ASF1B: variants seen among roughly 807,000 people sequenced by gnomAD.
ASF1B encodes the protein anti-silencing function 1B histone chaperone.
In ASF1B, 10 loss-of-function variants were observed where a neutral mutation model predicts 16.6. The ratio of observed to expected loss-of-function variants is 0.60; its 90% confidence interval spans 0.37 to 1.02. The LOEUF (loss-of-function observed/expected upper bound fraction) is 1.02, where lower values mean the gene tolerates loss of function less well. Among genes scored for constraint, ASF1B ranks in the 50% least tolerant of loss-of-function variants. The pLI, the probability that ASF1B is intolerant of heterozygous loss-of-function variation, is 0.01. For missense variants in ASF1B, 240 were observed against 266.0 expected, an observed-to-expected ratio of 0.90 and a Z score of 0.68; for synonymous variants, 101 against 106.2, an observed-to-expected ratio of 0.95 and a Z score of 0.30.
In ASF1B at chr19:14,135,202, C is replaced by T. The variant is rs144689184; in HGVS notation, c.109+1146G>A. Among the ~76,000 whole-genome samples, 446 of 116,972 alleles carry T rather than the reference C, an allele frequency of 3.8e-3. 3 individuals are homozygous for T. Among genetic ancestry groups the T allele is most frequent in the African/African-American group, 0.014 (408 of 29,194 alleles). The allele number at this position is 116,972 out of a possible 152,430, so 76.7% of individuals were successfully genotyped here. The stretch of plus-strand genomic sequence containing the variant: ...TCGTGCCATTGCACTCCAGCCTGGG[C>T]AACAGAGTGAGACTGTCTCAAAAAA... On this transcript the variant is annotated intron_variant, in intron 1 of 3. Transcript: ENST00000263382.
chr19:14,126,324 A>G (rs1187017107), intron 1 of ASF1B, 87 bp from the exon 2 acceptor site: 4 of 794,510 alleles, frequency 5.0e-6, no homozygotes, highest in Non-Finnish European at 6.2e-6. Flanking sequence ...TTTTTTTTTG[A>G]GATGGAGTCT....
intron 1 of ASF1B, among the ~76,000 whole-genome samples, chr19:14,132,794 G>A (rs1472134906): frequency 6.6e-6 from 1 of 152,046 alleles, no homozygotes; most frequent in Non-Finnish European, 1.5e-5. Context: ...CTGTAGCCTG[G>A]GTGACATAGT....
chr19:14,133,215 G>C (rs1050291081), intron 1 of ASF1B, among the ~76,000 whole-genome samples: 2 of 152,078 alleles, frequency 1.3e-5, no homozygotes, highest in African/African-American at 4.8e-5. Context: ...TAAATTCTGT[G>C]GTCATTCCTA....
At chr19:14,127,166 A>G (rs1344818556) in intron 1 of ASF1B, among the ~76,000 whole-genome samples, 5 of 152,244 alleles carry the variant, frequency 3.3e-5, no homozygotes, top group Admixed American at 2.6e-4. Flanking sequence ...CAGGCACTGC[A>G]GTCTTGAATG....
chr19:14,136,209 C>T, intron 1 of ASF1B, 139 bp downstream of exon 1: 1 of 470,338 alleles, frequency 2.1e-6, no homozygotes, highest in South Asian at 2.6e-5. Flanking sequence ...GGTTGACTGG[C>T]GGGCTGGGGG....
intron 1 of ASF1B, among the ~76,000 whole-genome samples, chr19:14,128,636 G>A (rs1967353096): frequency 6.6e-6 from 1 of 152,150 alleles, no homozygotes; most frequent in Non-Finnish European, 1.5e-5. Flanking sequence ...CACACGCCCA[G>A]GGAATTTTTA....
chr19:14,123,220 C>CAGTG (rs1231355352), intron 2 of ASF1B, among the ~76,000 whole-genome samples: 13 of 152,106 alleles, frequency 8.5e-5, no homozygotes, highest in Non-Finnish European at 1.5e-5. Flanking sequence ...TAGGGCCTGT[C>CAGTG]AGTGGATTTA....
At position 14,126,140 on chromosome 19, in the gene ASF1B, T is replaced by G. The variant is rs767033850; in HGVS notation, c.207A>C (p.Arg69Ser). 1 of 1,601,954 alleles carries G rather than the reference T, an allele frequency of 6.2e-7. No individual in the cohort carries two copies. The highest frequency in any genetic ancestry group is 1.3e-5 in the African/African-American group (1 of 74,142). The part of the protein sequence containing the change: ...SVLVGPVPAG[R>S]HMFVFQADAP... ...TTCTTACCTGAAAGACAAACATGTG[T>G]CTCCCTGCTGGCACAGGGCCCACCA... The change falls in exon 2 of 4, where the codon AGA (arginine) becomes AGC (serine). Residue 69 changes from arginine (R) to serine (S), a missense_variant. Coordinates refer to ENST00000263382, the MANE Select transcript of ASF1B (RefSeq NM_018154.3).
intron 1 of ASF1B, among the ~76,000 whole-genome samples, chr19:14,127,858 G>A (rs997462436): frequency 2.6e-5 from 4 of 152,098 alleles, no homozygotes; most frequent in African/African-American, 9.7e-5. Context: ...GGTTGGTCTC[G>A]AACTCCTGAC....
In ASF1B at chr19:14,120,212, CGAAAA is replaced by C. The variant is rs1263651342; in HGVS notation, c.*242_*246del. ...TGGCCTTAGTTAGAATTTATGAAGA[CGAAAA>C]GAACACAAGTCAGAATTTAGAACTG... On this transcript the variant is annotated 3_prime_UTR_variant, in exon 4 of 4. Coordinates refer to ENST00000263382, the MANE Select transcript of ASF1B (RefSeq NM_018154.3). The C allele has an allele frequency of 1.2e-5, 6 of 485,346 alleles. No individual in the cohort carries two copies. The highest frequency in any genetic ancestry group is 2.2e-5 in the Non-Finnish European group (6 of 275,970). 30.1% of individuals were successfully genotyped at this position (485,346 alleles called of 1,614,324 possible). A position where few individuals can be genotyped will look rare whatever the true frequency, so the allele number is the denominator to read the frequency against.
intron 1 of ASF1B, among the ~76,000 whole-genome samples, chr19:14,126,997 C>G (rs1200807543): frequency 6.6e-6 from 1 of 152,226 alleles, no homozygotes; most frequent in Non-Finnish European, 1.5e-5. Context: ...TCATGGCTCA[C>G]TGTAGCCTCA....
At chr19:14,132,976 T>C (rs1419743649) in intron 1 of ASF1B, among the ~76,000 whole-genome samples, 3 of 151,226 alleles carry the variant, frequency 2.0e-5, no homozygotes, top group Non-Finnish European at 2.9e-5. Flanking sequence ...AAAAGTTAGC[T>C]GGGCATGGTT....
chr19:14,124,424 G>A (rs534394369), intron 2 of ASF1B, among the ~76,000 whole-genome samples: 1 of 152,008 alleles, frequency 6.6e-6, no homozygotes, highest in South Asian at 2.1e-4. Flanking sequence ...CAAAGTGCTG[G>A]AAGCCACCAC....
At chr19:14,121,924 T>C (rs1967244695) in intron 2 of ASF1B, among the ~76,000 whole-genome samples, 1 of 133,420 alleles carries the variant, frequency 7.5e-6, no homozygotes, top group Non-Finnish European at 1.6e-5. Flanking sequence ...CCCGGCTAAC[T>C]TTTTTTTTTT....
At chr19:14,131,995 C>T (rs1967412291) in intron 1 of ASF1B, among the ~76,000 whole-genome samples, 2 of 149,948 alleles carry the variant, frequency 1.3e-5, no homozygotes, top group Non-Finnish European at 3.0e-5. Context: ...AAATAGGGGT[C>T]ACCCAACTGG....
rs995181635 is a variant in ASF1B at position 14,136,259 on chromosome 19, G to C, written c.109+89C>G. ...GGAAGGGGGACGAGGGGTTTCATGG[G>C]GGAGATCAAGTTGGCCATGGGAGCG... On this transcript the variant is annotated intron_variant, in intron 1 of 3. Coordinates refer to ENST00000263382, the MANE Select transcript of ASF1B (RefSeq NM_018154.3). The C allele has an allele frequency of 2.8e-6, 3 of 1,079,726 alleles. No homozygotes were observed. The African/African-American group carries it at 4.7e-5, about 17-fold the overall frequency. The allele number at this position is 1,079,726 out of a possible 1,614,324, so 66.9% of individuals were successfully genotyped here.
chr19:14,120,310 A>G lies in ASF1B; in HGVS notation c.*149T>C, dbSNP rs1967213618. ...ATCCTTCTGGCCAGGACTAGGGGAG[A>G]CCCAAGGCCTGTTCTTTCCTAGGGG... On this transcript the variant is annotated 3_prime_UTR_variant, in exon 4 of 4. Transcript: ENST00000263382. 1 of 693,622 alleles carries G rather than the reference A, an allele frequency of 1.4e-6. No homozygotes were observed. Among genetic ancestry groups the G allele is most frequent in the Non-Finnish European group, 2.4e-6 (1 of 415,916 alleles). 43.0% of individuals were successfully genotyped at this position (693,622 alleles called of 1,614,324 possible). A position where few individuals can be genotyped will look rare whatever the true frequency, so the allele number is the denominator to read the frequency against.
intron 2 of ASF1B, among the ~76,000 whole-genome samples, chr19:14,123,688 T>A (rs1481643350): frequency 6.6e-6 from 1 of 152,072 alleles, no homozygotes; most frequent in Non-Finnish European, 1.5e-5. Flanking sequence ...CTTCTTTTTT[T>A]AAAGAGATAG....
rs924558802 is a variant in ASF1B, at chr19:14,131,178, AT to A, written c.110-4942del. Among the ~76,000 whole-genome samples the A allele has an allele frequency of 7.6e-4, 91 of 119,244 alleles. 1 individual carries two copies. Among genetic ancestry groups the A allele is most frequent in the African/African-American group, 2.3e-3 (70 of 30,972 alleles). 78.2% of individuals were successfully genotyped at this position (119,244 alleles called of 152,430 possible). On this transcript the variant is annotated intron_variant, in intron 1 of 3. Transcript: ENST00000263382. ...CAGGGGTAAGCCACTGTGCCTGGCC[AT>A]TTTTTTTTTCTTTTTTTTTTTTTGA...
Sources: gnomAD v4.1 joint callset for allele counts (sites outside exome capture counted in the v4.1 genomes callset) on GRCh38, gnomAD v4.1.1 for gene constraint, MANE v1.5 for transcripts, NCBI Gene and HGNC (gene_info 2026-07-23, HGNC 2026-07-21) for gene names.